The following DOCK7 variants were observed in gnomAD, a reference collection of about 807,000 sequenced individuals.
The protein encoded by DOCK7 is dedicator of cytokinesis 7.
DOCK7 carries 138 observed loss-of-function variants against 271.0 expected under a neutral mutation model. The observed-to-expected ratio is 0.51, with a 90% CI of 0.44 to 0.59. DOCK7 has a LOEUF of 0.59. Among genes scored for constraint, DOCK7 ranks in the 20% least tolerant of loss-of-function variants. DOCK7 has a pLI of 0.00. For synonymous variants in DOCK7, 823 were observed against 876.1 expected, an observed-to-expected ratio of 0.94 and a Z score of 1.07; for missense variants, 2,066 against 2,592.4, an observed-to-expected ratio of 0.80 and a Z score of 4.41.
chr1:62,570,852 T>C (rs1646749054), intron 18 of DOCK7, among the ~76,000 whole-genome samples: 1 of 152,176 alleles, frequency 6.6e-6, no homozygotes. Context: ...TGGCTAGCCA[T>C]ATGCAGAAAA....
chr1:62,618,386 C>T (rs1011182466), intron 14 of DOCK7, among the ~76,000 whole-genome samples: 2 of 152,134 alleles, frequency 1.3e-5, no homozygotes, highest in African/African-American at 2.4e-5. Context: ...CCATCACCAT[C>T]ACACTAAGGT....
chr1:62,604,288 C>T, intron 14 of DOCK7: 3 of 1,593,926 alleles, frequency 1.9e-6, no homozygotes, highest in East Asian at 2.2e-5. Flanking sequence ...AGTATCTTCC[C>T]ACATTATTAG....
chr1:62,457,836 C>G (rs1348953636), intron 48 of DOCK7, 131 bp from the exon 49 acceptor site: 1 of 821,260 alleles, frequency 1.2e-6, no homozygotes, highest in African/African-American at 1.7e-5. Flanking sequence ...TATATGTGGG[C>G]CTAATCACAC....
In DOCK7 at chr1:62,455,226, G is replaced by T; in HGVS notation, c.*188C>A. 1.4e-6 allele frequency: 1 copy of T among 710,320 alleles called. No individual in the cohort carries two copies. The highest frequency in any genetic ancestry group is 2.5e-6 in the Non-Finnish European group (1 of 400,908). The allele number at this position is 710,320 out of a possible 1,614,324, so 44.0% of individuals were successfully genotyped here. A position where few individuals can be genotyped will look rare whatever the true frequency, so the allele number is the denominator to read the frequency against. On this transcript the variant is annotated 3_prime_UTR_variant, in exon 50 of 50. Coordinates refer to ENST00000635253, the MANE Select transcript of DOCK7 (RefSeq NM_001367561.1). The stretch of plus-strand genomic sequence containing the variant: ...CTTAAAAGATAACAGCTTGTTACCA[G>T]AACATTAGAAACCATAGCCATGATT...
chr1:62,617,808 T>C (rs190083485), intron 14 of DOCK7, among the ~76,000 whole-genome samples: 1 of 152,116 alleles, frequency 6.6e-6, no homozygotes, highest in African/African-American at 2.4e-5. Context: ...AGTGCTGATC[T>C]AGATGGTGAC....
intron 8 of DOCK7, among the ~76,000 whole-genome samples, chr1:62,635,919 A>G (rs1054297578): frequency 3.9e-5 from 6 of 152,128 alleles, no homozygotes; most frequent in African/African-American, 1.4e-4. Flanking sequence ...CCCGGCCAGC[A>G]CTTCAAGTTT....
In DOCK7 at chr1:62,552,772, G is replaced by A. The variant is rs747597852; in HGVS notation, c.2726C>T (p.Thr909Met). The A allele has an allele frequency of 9.9e-6, 16 of 1,613,510 alleles. No individual in the cohort carries two copies. The highest frequency in any genetic ancestry group is 1.3e-5 in the African/African-American group (1 of 74,984). ...NSNPDISGTP[T>M]SPDDEVRSII... Reference sequence around the variant, plus strand: ...TGATCGAACTTCATCATCTGGTGACGTGGGAGTCCCAGATATATCTGGATT... The same window carrying A: ...TGATCGAACTTCATCATCTGGTGACATGGGAGTCCCAGATATATCTGGATT... Residue 909 changes from threonine (T) to methionine (M), a missense_variant, in exon 22 of 50, where the codon ACG (threonine) becomes ATG (methionine). Physicochemically the swap from Thr to Met is moderately conservative, Grantham distance 81. Coordinates refer to ENST00000635253, the MANE Select transcript of DOCK7 (RefSeq NM_001367561.1).
At chr1:62,586,861 T>C (rs1647607562) in intron 14 of DOCK7, among the ~76,000 whole-genome samples, 1 of 152,124 alleles carries the variant, frequency 6.6e-6, no homozygotes, top group South Asian at 2.1e-4. Flanking sequence ...AGTTAACTGA[T>C]TTTTGCATAT....
intron 14 of DOCK7, among the ~76,000 whole-genome samples, chr1:62,591,409 T>C (rs954581835): frequency 9.2e-5 from 14 of 152,124 alleles, no homozygotes; most frequent in Admixed American, 6.5e-4. Flanking sequence ...CTGGGCTTAA[T>C]ACCTGAGTGA....
intron 1 of DOCK7, among the ~76,000 whole-genome samples, chr1:62,671,868 A>AT (rs1480417108): frequency 1.3e-5 from 2 of 152,068 alleles, no homozygotes; most frequent in African/African-American, 4.8e-5. Flanking sequence ...TGTCTTTAGC[A>AT]TATCTGCAAA....
intron 22 of DOCK7, among the ~76,000 whole-genome samples, chr1:62,546,848 T>C (rs1195020240): frequency 2.0e-5 from 3 of 152,098 alleles, no homozygotes; most frequent in Non-Finnish European, 4.4e-5. Context: ...AAAGTTCTCA[T>C]TAGTCTCCAA....
At chr1:62,574,121 C>A (rs1319508220) in intron 18 of DOCK7, among the ~76,000 whole-genome samples, 4 of 152,084 alleles carry the variant, frequency 2.6e-5, no homozygotes, top group African/African-American at 9.7e-5. Context: ...CTTCTACCTG[C>A]CCCTAAATGC....
rs560232740 is a variant in DOCK7, at chr1:62,544,767, T to C, written c.2859+180A>G. On this transcript the variant is annotated intron_variant, in intron 23 of 49. Coordinates refer to ENST00000635253, the MANE Select transcript of DOCK7 (RefSeq NM_001367561.1). ...AGATAGGAAATAGGAAAGAAGAACA[T>C]TACTGGTGCAATTGGTGGTACTCAT... Among the ~76,000 whole-genome samples the C allele has an allele frequency of 2.0e-5, 3 of 152,282 alleles. No homozygotes were observed. The East Asian group carries it at 5.8e-4, about 29-fold the overall frequency.
chr1:62,688,231 T>C lies in DOCK7; in HGVS notation c.34A>G (p.Ser12Gly). Residue 12 changes from serine (S) to glycine (G), a missense_variant, in exon 1 of 50, where the codon AGC becomes GGC. Physicochemically the swap from Ser to Gly is moderately conservative, Grantham distance 56. Transcript: ENST00000635253. The stretch of plus-strand genomic sequence containing the variant: ...CGCCCCACGCCGGATATTTACCTGC[T>C]GATCTTCTGGGCGAAGGCGCGGCGC... The part of the protein sequence containing the change: ...AERRAFAQKI[S>G]RTVAAEVRKQ... 7.3e-7 allele frequency: 1 copy of C among 1,377,150 alleles called. No individual in the cohort carries two copies. Among genetic ancestry groups the C allele is most frequent in the Non-Finnish European group, 9.5e-7 (1 of 1,052,978 alleles). 85.3% of individuals were successfully genotyped at this position (1,377,150 alleles called of 1,614,324 possible).
chr1:62,659,391 G>A (rs937327914), intron 2 of DOCK7, among the ~76,000 whole-genome samples: 1 of 151,808 alleles, frequency 6.6e-6, no homozygotes, highest in African/African-American at 2.4e-5. Context: ...CACTAAAAAA[G>A]CTATACAAAG....
intron 35 of DOCK7, among the ~76,000 whole-genome samples, chr1:62,507,634 A>T (rs1646981572): frequency 6.6e-6 from 1 of 152,224 alleles, no homozygotes; most frequent in Non-Finnish European, 1.5e-5. Context: ...CAGTTTATCT[A>T]TATGTAGCTA....
intron 31 of DOCK7, among the ~76,000 whole-genome samples, chr1:62,515,482 G>A (rs547893820): frequency 6.6e-6 from 1 of 152,262 alleles, no homozygotes; most frequent in East Asian, 1.9e-4. Context: ...GAATTTTCAA[G>A]TACCTATTTT....
chr1:62,458,588 A>G (rs1316863229), intron 48 of DOCK7: 1 of 146,902 alleles, frequency 6.8e-6, no homozygotes, highest in East Asian at 2.0e-4. Context: ...GCTGGAGTGC[A>G]GTGGCGCGAT....
rs929823291 is a variant in DOCK7, at chr1:62,543,575, T to G, written c.2949+81A>C. Reference sequence around the variant, plus strand: ...TGCAATTACTGTAAGTATCTCATACTGGTTATGTAAAGAAATCTTACATCT... The same window carrying G: ...TGCAATTACTGTAAGTATCTCATACGGGTTATGTAAAGAAATCTTACATCT... On this transcript the variant is annotated intron_variant, in intron 24 of 49. Transcript: ENST00000635253. 10 of 1,041,074 alleles carry G rather than the reference T, an allele frequency of 9.6e-6. No individual in the cohort carries two copies. The Admixed American group carries it at 1.3e-4, about 14-fold the overall frequency. The allele number at this position is 1,041,074 out of a possible 1,614,324, so 64.5% of individuals were successfully genotyped here.
Sources: allele counts gnomAD v4.1 joint callset (sites outside exome capture counted in the v4.1 genomes callset), GRCh38; gene constraint gnomAD v4.1.1; transcripts MANE v1.5; gene names NCBI Gene and HGNC (gene_info 2026-07-23, HGNC 2026-07-21).